Variants in DOCK2 observed in about 807,000 individuals in gnomAD.
DOCK2 encodes dedicator of cytokinesis 2, also known as dedicator of cytokinesis protein 2.
In DOCK2, 87 loss-of-function variants were observed where a neutral mutation model predicts 248.9. The ratio of observed to expected loss-of-function variants is 0.35; its 90% CI spans 0.29 to 0.42. The LOEUF is 0.42. Ranked by LOEUF, DOCK2 falls within the 10% of genes least tolerant of loss-of-function variation. The probability of loss-of-function intolerance (pLI) is 1.00; values close to 1 mark genes in which losing one functional copy is unlikely to be tolerated. For missense variants in DOCK2, 1,747 were observed against 2,300.2 expected, an observed-to-expected ratio of 0.76 and a Z score of 4.92; for synonymous variants, 805 against 821.6, an observed-to-expected ratio of 0.98 and a Z score of 0.35.
At chr5:169,717,585 C>A in intron 21 of DOCK2, 101 bp downstream of exon 21, 1 of 1,021,980 alleles carries the variant, frequency 9.8e-7, no homozygotes, top group Non-Finnish European at 1.5e-6. Flanking sequence ...TGTGACTCAT[C>A]TGTGTGAGCT....
intron 44 of DOCK2, among the ~76,000 whole-genome samples, chr5:170,059,521 G>A (rs1757253947): frequency 6.6e-6 from 1 of 152,114 alleles, no homozygotes; most frequent in South Asian, 2.1e-4. Flanking sequence ...CTCAGCTACT[G>A]TGTGTCAGCC....
chr5:169,982,179 A>C (rs1777958710), intron 27 of DOCK2, among the ~76,000 whole-genome samples: 1 of 151,142 alleles, frequency 6.6e-6, no homozygotes, highest in South Asian at 2.1e-4. Flanking sequence ...TGGCAGCCCC[A>C]GTGGAAACTT....
chr5:169,918,471 A>C (rs927519797), intron 27 of DOCK2, among the ~76,000 whole-genome samples: 1 of 152,248 alleles, frequency 6.6e-6, no homozygotes, highest in Non-Finnish European at 1.5e-5. Context: ...GAACTACAGA[A>C]TATTCATGCT....
chr5:169,925,076 T>TTTCTTTTTCTC (rs1775362175), intron 27 of DOCK2, among the ~76,000 whole-genome samples: 3 of 152,212 alleles, frequency 2.0e-5, no homozygotes, highest in Admixed American at 1.3e-4. Context: ...TCTTTCTCTA[T>TTTCTTTTTCTC]TATTCTTTTT....
At chr5:170,010,407 A>T (rs2113812013) in intron 32 of DOCK2, among the ~76,000 whole-genome samples, 1 of 152,276 alleles carries the variant, frequency 6.6e-6, no homozygotes, top group Admixed American at 6.5e-5. Flanking sequence ...GAATGGGGGA[A>T]CATGGTGCAA....
At chr5:169,792,561 C>T (rs550629110) in intron 25 of DOCK2, among the ~76,000 whole-genome samples, 3 of 152,184 alleles carry the variant, frequency 2.0e-5, no homozygotes, top group African/African-American at 2.4e-5. Context: ...GTCCTTCCAT[C>T]TCAGTGTCCC....
At chr5:170,004,942 A>T (rs1754967326) in intron 30 of DOCK2, among the ~76,000 whole-genome samples, 1 of 140,722 alleles carries the variant, frequency 7.1e-6, no homozygotes, top group African/African-American at 2.7e-5. Flanking sequence ...GGGGAGGGAT[A>T]GCATTGGGAG....
intron 44 of DOCK2, among the ~76,000 whole-genome samples, chr5:170,058,166 AG>A (rs1173601733): frequency 2.0e-5 from 3 of 152,218 alleles, no homozygotes; most frequent in Admixed American, 2.0e-4. Context: ...AGCACAGCTT[AG>A]GGTCTCCACG....
Position 169,702,332 on chromosome 5 carries a change from C to T in DOCK2, c.1288C>T (p.Leu430Phe), listed in dbSNP as rs370264550. The T allele has an allele frequency of 3.1e-6, 5 of 1,613,948 alleles. No individual in the cohort carries two copies. Among genetic ancestry groups the T allele is most frequent in the Non-Finnish European group, 3.4e-6 (4 of 1,179,882 alleles). ...TGTCAGGAACGACATCTACATTACTCTCTTACAAGGTGACTTTGACAAGTA... is the reference window on the plus strand; with the variant it reads ...TGTCAGGAACGACATCTACATTACTTTCTTACAAGGTGACTTTGACAAGTA... Reference protein sequence around the residue: ...GDVRNDIYITLLQGDFDKYNK... With the variant: ...GDVRNDIYITFLQGDFDKYNK... The change falls in exon 14 of 52, where the codon CTC becomes TTC. Residue 430 changes from leucine (L) to phenylalanine (F), a missense_variant. By Grantham distance (22) the Leu-to-Phe change is conservative. Coordinates refer to ENST00000520908, the MANE Select transcript of DOCK2 (RefSeq NM_004946.3).
intron 38 of DOCK2, among the ~76,000 whole-genome samples, chr5:170,043,733 G>A (rs952422361): frequency 1.8e-4 from 27 of 152,344 alleles, no homozygotes; most frequent in African/African-American, 6.0e-4. Context: ...TGGGTGTCAA[G>A]TCAGAGCTTA....
rs563573302 is a variant in DOCK2, at chr5:169,816,429, G to A, written c.2703+13223G>A. On this transcript the variant is annotated intron_variant, in intron 26 of 51. Coordinates refer to ENST00000520908, the MANE Select transcript of DOCK2 (RefSeq NM_004946.3). ...GGTTGGAAAATAAAGTTTAATTTCAGCACAGTTTCTGCAAGCAACCTAGCA... is the reference window on the plus strand; with the variant it reads ...GGTTGGAAAATAAAGTTTAATTTCAACACAGTTTCTGCAAGCAACCTAGCA... 2.0e-5 allele frequency among the ~76,000 whole-genome samples: 3 copies of A among 152,296 alleles called. No individual in the cohort carries two copies. In the East Asian group the frequency reaches 5.8e-4, roughly 29 times the overall value.
intron 9 of DOCK2, chr5:169,695,173 G>A (rs35316183): frequency 0.12 from 18,241 of 152,380 alleles, 1,382 homozygotes; most frequent in South Asian, 0.21. Context: ...GACAGTGAGC[G>A]CACCCGTGCT....
intron 15 of DOCK2, 58 bp downstream of exon 15, chr5:169,708,325 G>C: frequency 6.8e-7 from 1 of 1,477,568 alleles, no homozygotes; most frequent in Non-Finnish European, 9.4e-7. Context: ...ACCAGGCACT[G>C]TTTTAAGTGC....
chr5:170,063,274 C>T (rs1757392016), intron 44 of DOCK2, among the ~76,000 whole-genome samples: 1 of 152,170 alleles, frequency 6.6e-6, no homozygotes, highest in Non-Finnish European at 1.5e-5. Flanking sequence ...TTGAATGTCC[C>T]AACTTTTAGA....
At chr5:169,696,542 TTC>T (rs1760639140) in intron 10 of DOCK2, among the ~76,000 whole-genome samples, 1 of 152,268 alleles carries the variant, frequency 6.6e-6, no homozygotes, top group Non-Finnish European at 1.5e-5. Context: ...CAAATATAGT[TTC>T]TTTTAATCAA....
intron 33 of DOCK2, among the ~76,000 whole-genome samples, chr5:170,022,694 G>T (rs141332812): frequency 6.6e-6 from 1 of 152,018 alleles, no homozygotes; most frequent in Non-Finnish European, 1.5e-5. Context: ...TGGATTGAGC[G>T]GTCATCACAC....
intron 27 of DOCK2, among the ~76,000 whole-genome samples, chr5:169,955,605 G>T (rs1451271341): frequency 1.3e-5 from 2 of 152,188 alleles, no homozygotes; most frequent in African/African-American, 2.4e-5. Flanking sequence ...TGGTCCTTAA[G>T]GTTCTGAGGA....
chr5:169,709,877 T>C (rs1453229082), intron 15 of DOCK2, among the ~76,000 whole-genome samples: 1 of 152,174 alleles, frequency 6.6e-6, no homozygotes, highest in Non-Finnish European at 1.5e-5. Flanking sequence ...CAAAAGGAAA[T>C]AAGAATGCAG....
chr5:169,852,927 G>T (rs1373996895), intron 27 of DOCK2, among the ~76,000 whole-genome samples: 1 of 152,170 alleles, frequency 6.6e-6, no homozygotes, highest in Non-Finnish European at 1.5e-5. Flanking sequence ...GTCCTTCCCT[G>T]GGGGTGTTGT....
Sources: allele counts gnomAD v4.1 joint callset (sites outside exome capture counted in the v4.1 genomes callset), GRCh38; gene constraint gnomAD v4.1.1; transcripts MANE v1.5; gene names NCBI Gene and HGNC (gene_info 2026-07-23, HGNC 2026-07-21).